AWAT1: variants seen among roughly 807,000 people sequenced by gnomAD.
AWAT1 encodes acyl-CoA wax alcohol acyltransferase 1.
Under a neutral mutation model 21.6 loss-of-function variants are expected in AWAT1, and 26 were observed. The observed-to-expected ratio is 1.20, with a 90% CI of 0.88 to 1.67. The LOEUF is 1.67. Ranked by LOEUF, AWAT1 falls within the 40% of genes most tolerant of loss-of-function variation. The pLI, the probability that AWAT1 is intolerant of heterozygous loss-of-function variation, is 0.00. For missense variants in AWAT1, 264 were observed against 249.4 expected (o/e 1.06, Z -0.39); for synonymous variants, 102 against 99.3 (o/e 1.03, Z -0.16).
In AWAT1 at chrX:70,235,831, TCA is replaced by T; in HGVS notation, c.184+11_184+12del. ...GGAAGACCCCAGAGCGAGGTAAGAC[TCA>T]CAGACCTAGAAAGAAGAATGTTCCA... On this transcript the variant is annotated intron_variant, in intron 2 of 6. Transcript: ENST00000374521. 8.5e-7 allele frequency: 1 copy of T among 1,170,921 alleles called. No homozygotes were observed. Among genetic ancestry groups the T allele is most frequent in the African/African-American group, 1.8e-5 (1 of 56,854 alleles).
Position 70,237,103 on chromosome X carries a change from T to C in AWAT1, c.315T>C (p.His105=). 8.3e-7 allele frequency: 1 copy of C among 1,208,187 alleles called. No individual in the cohort carries two copies. The highest frequency in any genetic ancestry group is 2.2e-5 in the Admixed American group (1 of 45,705). ...EHNYLMGVHP[H]GLLTFGAFCN... is the part of the protein sequence containing the mutation. ...ACTACCTCATGGGGGTTCACCCCCA[T>C]GGCCTCCTGACCTTTGGCGCCTTCT... is the stretch of plus-strand genomic sequence containing the variant. The change falls in exon 4 of 7, where the codon CAT becomes CAC. Residue 105 remains histidine, a synonymous_variant. Transcript: ENST00000374521.
intron 6 of AWAT1, 80 bp from the exon 7 acceptor site, chrX:70,240,056 G>A (rs1427824702): frequency 8.6e-7 from 1 of 1,156,490 alleles, no homozygotes; most frequent in South Asian, 1.9e-5. Context: ...GCGAGAGTCA[G>A]GCCCAAGGTA....
intron 4 of AWAT1, 111 bp from the exon 5 acceptor site, chrX:70,238,101 G>T (rs1451327139): frequency 2.6e-6 from 2 of 754,942 alleles, no homozygotes; most frequent in African/African-American, 4.2e-5. Flanking sequence ...CCATCTCATT[G>T]CTCCTCTCCT....
intron 4 of AWAT1, 92 bp from the exon 5 acceptor site, chrX:70,238,120 C>G (rs1473201439): frequency 1.1e-6 from 1 of 917,690 alleles, no homozygotes; most frequent in African/African-American, 2.0e-5. Flanking sequence ...CTCCTTGGAA[C>G]TATGAGAACA....
chrX:70,237,214 G>T lies in AWAT1; in HGVS notation c.426G>T (p.Lys142Asn). Residue 142 changes from lysine to asparagine, a missense_variant, in exon 4 of 7, where the codon AAG becomes AAT. By Grantham distance (94) the Lys-to-Asn change is moderately conservative. Transcript: ENST00000374521. ...PHLATLSWFF[K>N]IPFVREYLMA... The stretch of plus-strand genomic sequence containing the variant: ...TGGCCACGCTGTCCTGGTTCTTCAA[G>T]ATCCCCTTTGTTAGGGAGTACCTCA... The T allele has an allele frequency of 8.3e-7, 1 of 1,208,677 alleles. No individual in the cohort carries two copies.
chrX:70,237,560 A>T (rs1189395354), intron 4 of AWAT1, among the ~76,000 whole-genome samples: 1 of 109,925 alleles, frequency 9.1e-6, no homozygotes, highest in Non-Finnish European at 1.9e-5. Context: ...GGCCAGGTGC[A>T]GTGACTCACG....
intron 5 of AWAT1, among the ~76,000 whole-genome samples, chrX:70,238,963 T>C (rs1221958282): frequency 8.9e-6 from 1 of 112,631 alleles, no homozygotes; most frequent in African/African-American, 3.2e-5. Context: ...AGCTGTAGAG[T>C]GCCCCATTGG....
Position 70,238,258 on chromosome X carries a change from T to C in AWAT1, c.507T>C (p.His169=), listed in dbSNP as rs1182012873. ...CAGCCATCAACTATCTGCTGAGCCA[T>C]GGCACTGGCAACCTCGTGGGCATTG... ...SQPAINYLLS[H]GTGNLVGIVV... is the part of the protein sequence containing the mutation. The change falls in exon 5 of 7, where the codon CAT becomes CAC. Residue 169 remains histidine, a synonymous_variant. Coordinates refer to ENST00000374521, the MANE Select transcript of AWAT1 (RefSeq NM_001013579.3). The C allele has an allele frequency of 1.7e-6, 2 of 1,211,126 alleles. No homozygotes were observed. Among genetic ancestry groups the C allele is most frequent in the Non-Finnish European group, 2.2e-6 (2 of 894,857 alleles).
intron 5 of AWAT1, among the ~76,000 whole-genome samples, chrX:70,238,751 C>T (rs967637871): frequency 8.9e-6 from 1 of 112,348 alleles, no homozygotes; most frequent in Non-Finnish European, 1.9e-5. Context: ...GGCTCCATGA[C>T]TGTGCACTCT....
intron 4 of AWAT1, 111 bp downstream of exon 4, chrX:70,237,359 T>C (rs1265652027): frequency 2.4e-5 from 16 of 676,437 alleles, no homozygotes; most frequent in Non-Finnish European, 3.1e-5. Flanking sequence ...CATTATGGCA[T>C]AGTAGTCAAA....
At chrX:70,237,995 C>T (rs1152197) in intron 4 of AWAT1, among the ~76,000 whole-genome samples, 29,098 of 108,494 alleles carry the variant, frequency 0.27, 3,122 homozygotes, top group African/African-American at 0.38. Context: ...ACCTTCCTAC[C>T]GGTTTTGGCT....
In AWAT1 at chrX:70,236,067, A is replaced by T; in HGVS notation, c.185-2A>T. 8.3e-7 allele frequency: 1 copy of T among 1,207,612 alleles called. No homozygotes were observed. Among genetic ancestry groups the T allele is most frequent in the Non-Finnish European group, 1.1e-6 (1 of 891,798 alleles). On this transcript the variant is annotated splice_acceptor_variant, in intron 2 of 6. Coordinates refer to ENST00000374521, the MANE Select transcript of AWAT1 (RefSeq NM_001013579.3). LOFTEE classifies it high-confidence loss of function. ...CATCCCCTACTTCTTCTTTTGCCTC[A>T]GGTGGCAGGCGTTCGGCCTGGGTAA...
chrX:70,239,741 T>C lies in AWAT1; in HGVS notation c.639T>C (p.His213=), dbSNP rs755916289. 36 of 1,208,359 alleles carry C rather than the reference T, an allele frequency of 3.0e-5. 1 individual carries two copies. The Admixed American group carries it at 7.9e-4, about 26-fold the overall frequency. The change falls in exon 6 of 7, where the codon CAT becomes CAC. Residue 213 remains histidine, a synonymous_variant. Coordinates refer to ENST00000374521, the MANE Select transcript of AWAT1 (RefSeq NM_001013579.3). ...AATTGGAGTTTTCCTACAGGGCTCA[T>C]CTGGTCCCCACCTTCACTTTTGGGG... The part of the protein sequence containing the change: ...FVRTALQHGA[H]LVPTFTFGET...
rs897812757 is a variant in AWAT1 at position 70,240,404 on chromosome X, G to A, written c.*114G>A. On this transcript the variant is annotated 3_prime_UTR_variant, in exon 7 of 7. Transcript: ENST00000374521. Reference sequence around the variant, plus strand: ...GGGAGGTTATATGTGGTAGGGGAGGGCATGAGGAATTCCTTCTTTGCCTTC... The same window carrying A: ...GGGAGGTTATATGTGGTAGGGGAGGACATGAGGAATTCCTTCTTTGCCTTC... 2.4e-6 allele frequency: 2 copies of A among 838,287 alleles called. No homozygotes were observed. The highest frequency in any genetic ancestry group is 3.4e-6 in the Non-Finnish European group (2 of 595,414). The allele number at this position is 838,287 out of a possible 1,213,427, so 69.1% of individuals were successfully genotyped here. A position where few individuals can be genotyped will look rare whatever the true frequency, so the allele number is the denominator to read the frequency against.
At chrX:70,237,336 C>A (rs2085518525) in intron 4 of AWAT1, 88 bp downstream of exon 4, 3 of 836,389 alleles carry the variant, frequency 3.6e-6, no homozygotes, top group Admixed American at 2.8e-5. Context: ...CCTCCCCCCA[C>A]CCGCCCCCAT....
At chrX:70,238,153 G>A (rs1431289336) in intron 4 of AWAT1, 59 bp from the exon 5 acceptor site, 3 of 1,102,240 alleles carry the variant, frequency 2.7e-6, no homozygotes, top group Non-Finnish European at 3.7e-6. Flanking sequence ...GCAGAGAAGA[G>A]TGTTCCCTCT....
In AWAT1 at chrX:70,240,339, G is replaced by A. The variant is rs2147625534; in HGVS notation, c.*49G>A. 2 of 1,159,668 alleles carry A rather than the reference G, an allele frequency of 1.7e-6. No homozygotes were observed. Among genetic ancestry groups the A allele is most frequent in the Admixed American group, 2.3e-5 (1 of 44,024 alleles). ...GCACAGGAGTGCCTGCCTTGAAGAA[G>A]AGACTCATCTGCCACTAACCAAAGA... On this transcript the variant is annotated 3_prime_UTR_variant, in exon 7 of 7. Coordinates refer to ENST00000374521, the MANE Select transcript of AWAT1 (RefSeq NM_001013579.3).
Position 70,237,079 on chromosome X carries a change from C to G in AWAT1, c.291C>G (p.Asn97Lys), listed in dbSNP as rs768294313. The G allele has an allele frequency of 8.3e-6, 10 of 1,206,108 alleles. No individual in the cohort carries two copies. Among genetic ancestry groups the G allele is most frequent in the Non-Finnish European group, 1.0e-5 (9 of 893,189 alleles). The change falls in exon 4 of 7, where the codon AAC (asparagine) becomes AAG (lysine). Residue 97 changes from asparagine (N) to lysine (K), a missense_variant. Coordinates refer to ENST00000374521, the MANE Select transcript of AWAT1 (RefSeq NM_001013579.3). ...CAAAGGACCTATCACCTGAGCACAA[C>G]TACCTCATGGGGGTTCACCCCCATG... ...LKTKDLSPEH[N>K]YLMGVHPHGL...
rs2085529742 is a variant in AWAT1, at chrX:70,239,740, A to C, written c.638A>C (p.His213Pro). ...FVRTALQHGA[H>P]LVPTFTFGET... is the part of the protein sequence containing the mutation. ...AAATTGGAGTTTTCCTACAGGGCTC[A>C]TCTGGTCCCCACCTTCACTTTTGGG... The change falls in exon 6 of 7, where the codon CAT (histidine) becomes CCT (proline). Residue 213 changes from histidine (H) to proline (P), a missense_variant. Transcript: ENST00000374521. 8.3e-7 allele frequency: 1 copy of C among 1,208,474 alleles called. No individual in the cohort carries two copies. The highest frequency in any genetic ancestry group is 1.7e-5 in the African/African-American group (1 of 57,224).
Sources: allele counts gnomAD v4.1 joint callset (sites outside exome capture counted in the v4.1 genomes callset), GRCh38; gene constraint gnomAD v4.1.1; transcripts MANE v1.5; gene names NCBI Gene and HGNC (gene_info 2026-07-23, HGNC 2026-07-21).